SATB2: variants seen among roughly 807,000 people sequenced by gnomAD.
SATB2 encodes the protein SATB homeobox 2.
Under a neutral mutation model 73.4 loss-of-function variants are expected in SATB2, and 1 was observed. The observed-to-expected ratio is 0.01, with a 90% CI of 0.00 to 0.06. The LOEUF (loss-of-function observed/expected upper bound fraction) is 0.06. SATB2 is among the 10% of genes least tolerant of loss of function. The pLI, the probability that SATB2 is intolerant of heterozygous loss-of-function variation, is 1.00. For synonymous variants in SATB2, 397 were observed against 367.0 expected (o/e 1.08, Z -0.93); for missense variants, 459 against 945.8 (o/e 0.49, Z 6.75).
intron 6 of SATB2, among the ~76,000 whole-genome samples, chr2:199,360,967 G>A (rs1448401285): frequency 6.6e-6 from 1 of 151,882 alleles, no homozygotes; most frequent in Non-Finnish European, 1.5e-5. Flanking sequence ...ATCTTCCCTT[G>A]GCTTCAGTGA....
At chr2:199,411,092 T>C (rs533626964) in intron 3 of SATB2, among the ~76,000 whole-genome samples, 10 of 152,248 alleles carry the variant, frequency 6.6e-5, no homozygotes, top group Non-Finnish European at 4.4e-5. Flanking sequence ...AATACTACTA[T>C]GTATCAAATA....
chr2:199,378,543 A>G (rs1212997215), intron 5 of SATB2, among the ~76,000 whole-genome samples: 1 of 152,216 alleles, frequency 6.6e-6, no homozygotes, highest in Non-Finnish European at 1.5e-5. Context: ...AGTCCTAAAC[A>G]TAAGGTCAGA....
chr2:199,350,290 C>A (rs1327822980), intron 6 of SATB2, among the ~76,000 whole-genome samples: 1 of 151,332 alleles, frequency 6.6e-6, no homozygotes, highest in Non-Finnish European at 1.5e-5. Flanking sequence ...CCCTATTATA[C>A]AAATGGAATG....
chr2:199,466,154 C>G (rs1017485672), upstream of SATB2, among the ~76,000 whole-genome samples: 2 of 152,158 alleles, frequency 1.3e-5, no homozygotes, highest in Non-Finnish European at 2.9e-5. Flanking sequence ...CAGACCCGGC[C>G]CTTTGCACAT....
chr2:199,418,340 A>G (rs866279603), intron 3 of SATB2, among the ~76,000 whole-genome samples: 1 of 152,162 alleles, frequency 6.6e-6, no homozygotes, highest in Admixed American at 6.5e-5. Context: ...ATTGTAAAAG[A>G]CACAGAACTA....
At chr2:199,380,050 A>G (rs901489687) in intron 5 of SATB2, among the ~76,000 whole-genome samples, 2 of 150,882 alleles carry the variant, frequency 1.3e-5, no homozygotes, top group African/African-American at 2.4e-5. Context: ...CGCCCAGCTA[A>G]CTTTTGTATT....
Position 199,272,116 on chromosome 2 carries a change from A to C in SATB2, c.*95T>G. The C allele has an allele frequency of 7.7e-7, 1 of 1,306,152 alleles. No individual in the cohort carries two copies. The highest frequency in any genetic ancestry group is 1.1e-6 in the Non-Finnish European group (1 of 913,358). The allele number at this position is 1,306,152 out of a possible 1,614,324, so 80.9% of individuals were successfully genotyped here. On this transcript the variant is annotated 3_prime_UTR_variant, in exon 11 of 11. Transcript: ENST00000417098. The surrounding 1 kb of genome is among the most constrained non-coding windows in gnomAD (Gnocchi z 6.7). ...AAAATAAAGCCAAAAAAACCCAAAA[A>C]CAAAAACAAAAAACAAACTAACAAA... is the stretch of plus-strand genomic sequence containing the variant.
At chr2:199,279,614 A>T (rs1692418864) in intron 10 of SATB2, among the ~76,000 whole-genome samples, 1 of 152,180 alleles carries the variant, frequency 6.6e-6, no homozygotes, top group Non-Finnish European at 1.5e-5. Context: ...ACAGTTTCCC[A>T]GGTGGTCACG....
Position 199,269,566 on chromosome 2 carries a change from T to G in SATB2, c.*2645A>C, listed in dbSNP as rs1692091765. On this transcript the variant is annotated 3_prime_UTR_variant, in exon 11 of 11. Transcript: ENST00000417098. ...CTAACAGCCTAACAATGCACATAAG[T>G]TAAAAATTAATTATCACTTAGTGAT... 6.5e-6 allele frequency: 1 copy of G among 152,676 alleles called. No homozygotes were observed. The highest frequency in any genetic ancestry group is 2.4e-5 in the African/African-American group (1 of 41,412). 9.5% of individuals were successfully genotyped at this position (152,676 alleles called of 1,614,324 possible).
chr2:199,367,279 C>T (rs1222441049), intron 6 of SATB2, among the ~76,000 whole-genome samples: 1 of 152,192 alleles, frequency 6.6e-6, no homozygotes, highest in Admixed American at 6.5e-5. Flanking sequence ...AGCATTTGCC[C>T]AAACCAGGAT....
intron 3 of SATB2, among the ~76,000 whole-genome samples, chr2:199,390,333 T>C (rs953461826): frequency 2.0e-5 from 3 of 152,108 alleles, no homozygotes; most frequent in Non-Finnish European, 4.4e-5. Flanking sequence ...TGATGAGAAA[T>C]TATTTGGGGT....
At chr2:199,439,312 G>C (rs1691740436) in intron 2 of SATB2, among the ~76,000 whole-genome samples, 1 of 152,238 alleles carries the variant, frequency 6.6e-6, no homozygotes, top group Non-Finnish European at 1.5e-5. Context: ...GAGGAGGCCA[G>C]GCTTTCGCCT....
intron 3 of SATB2, among the ~76,000 whole-genome samples, chr2:199,422,027 G>A (rs928276274): frequency 1.3e-5 from 2 of 152,130 alleles, no homozygotes; most frequent in African/African-American, 4.8e-5. Flanking sequence ...TCCATTAATA[G>A]ATAATCAAGA....
intron 9 of SATB2, among the ~76,000 whole-genome samples, chr2:199,320,061 C>A (rs1037612162): frequency 1.3e-5 from 2 of 152,088 alleles, no homozygotes; most frequent in Non-Finnish European, 2.9e-5. Flanking sequence ...AGCGGCCCTA[C>A]AGAATCTGCA....
intron 2 of SATB2, among the ~76,000 whole-genome samples, chr2:199,438,961 G>A (rs976608362): frequency 2.3e-4 from 35 of 152,222 alleles, no homozygotes; most frequent in Admixed American, 1.4e-3. Context: ...CCTGAGAGTT[G>A]AAAACAACAC....
rs148350625 is a variant in SATB2, at chr2:199,317,059, G to A, written c.1542+6744C>T. The stretch of plus-strand genomic sequence containing the variant: ...CATAATGGGTGGGTGGCAGGGGTGG[G>A]GCGGTATGGGCAGGGTAGTGGTTGG... On this transcript the variant is annotated intron_variant, in intron 9 of 10. Coordinates refer to ENST00000417098, the MANE Select transcript of SATB2 (RefSeq NM_001172509.2). Among the ~76,000 whole-genome samples, 312 of 152,090 alleles carry A rather than the reference G, an allele frequency of 2.1e-3. 6 individuals carry two copies. The highest frequency in any genetic ancestry group is 7.2e-3 in the African/African-American group (298 of 41,436).
At chr2:199,354,507 C>A (rs1688915256) in intron 6 of SATB2, among the ~76,000 whole-genome samples, 1 of 152,144 alleles carries the variant, frequency 6.6e-6, no homozygotes, top group African/African-American at 2.4e-5. Flanking sequence ...ATGATGTCCC[C>A]AGTTTCTAAT....
At chr2:199,370,138 C>T (rs1689399750) in intron 5 of SATB2, among the ~76,000 whole-genome samples, 1 of 152,130 alleles carries the variant, frequency 6.6e-6, no homozygotes, top group Admixed American at 6.6e-5. Flanking sequence ...GCGCTATTAA[C>T]GACCAAGTAC....
At chr2:199,324,726 A>G (rs1396831104) in intron 8 of SATB2, among the ~76,000 whole-genome samples, 1 of 152,176 alleles carries the variant, frequency 6.6e-6, no homozygotes, top group Admixed American at 6.5e-5. Flanking sequence ...GTCTGAATCT[A>G]CTTAATCCAA....
Sources: gnomAD v4.1 joint callset for allele counts (sites outside exome capture counted in the v4.1 genomes callset) on GRCh38, gnomAD v4.1.1 for gene constraint, Gnocchi (gnomAD v3.1) non-coding constraint, MANE v1.5 for transcripts, NCBI Gene and HGNC (gene_info 2026-07-23, HGNC 2026-07-21) for gene names.